The following ADAMTS14 variants were observed in gnomAD, a reference collection of about 807,000 sequenced individuals.
The protein encoded by ADAMTS14 is A disintegrin and metalloproteinase with thrombospondin motifs 14.
Under a neutral mutation model 128.6 loss-of-function variants are expected in ADAMTS14, and 100 were observed. The observed-to-expected ratio is 0.78, with a 90% CI of 0.66 to 0.92. ADAMTS14 has a LOEUF of 0.92. Among genes scored for constraint, ADAMTS14 ranks in the 40% least tolerant of loss-of-function variants. The pLI is 0.00. For missense variants in ADAMTS14, 1,562 were observed against 1,658.6 expected, an observed-to-expected ratio of 0.94 and a Z score of 1.01; for synonymous variants, 665 against 653.8, an observed-to-expected ratio of 1.02 and a Z score of -0.26.
At chr10:70,701,536 C>T (rs967055060) in intron 2 of ADAMTS14, among the ~76,000 whole-genome samples, 5 of 152,220 alleles carry the variant, frequency 3.3e-5, no homozygotes, top group African/African-American at 1.2e-4. Flanking sequence ...GACACACATA[C>T]ACGAACCCAC....
At chr10:70,744,680 T>C (rs1325410898) in intron 14 of ADAMTS14, among the ~76,000 whole-genome samples, 1 of 152,216 alleles carries the variant, frequency 6.6e-6, no homozygotes, top group African/African-American at 2.4e-5. Flanking sequence ...GAACCAGATA[T>C]CAGTCCTTCA....
At chr10:70,699,654 T>C (rs551332510) in intron 2 of ADAMTS14, among the ~76,000 whole-genome samples, 16 of 152,336 alleles carry the variant, frequency 1.1e-4, no homozygotes, top group South Asian at 4.1e-4. Context: ...CTGGAAACTG[T>C]ATCCCTCATA....
intron 1 of ADAMTS14, among the ~76,000 whole-genome samples, chr10:70,673,264 GGTGT>G (rs144103256): frequency 2.4e-5 from 3 of 122,916 alleles, no homozygotes; most frequent in Non-Finnish European, 4.1e-5. Context: ...GGGTGCAAGG[GGTGT>G]GTGTGTGTGT....
At chr10:70,688,988 C>CTAATAATTGTCCTCA (rs1379059729) in intron 2 of ADAMTS14, among the ~76,000 whole-genome samples, 4 of 106,016 alleles carry the variant, frequency 3.8e-5, no homozygotes, top group Admixed American at 9.3e-5. Context: ...CAAGCCACTC[C>CTAATAATTGTCCTCA]CGTCCCCCAG....
intron 12 of ADAMTS14, among the ~76,000 whole-genome samples, chr10:70,742,897 AC>A (rs1842046490): frequency 6.6e-6 from 1 of 152,196 alleles, no homozygotes; most frequent in Non-Finnish European, 1.5e-5. Flanking sequence ...CATTTTGCAA[AC>A]CCAGATACAG....
In ADAMTS14 at chr10:70,676,611, C is replaced by T. The variant is rs772447170; in HGVS notation, c.522+1616C>T. The stretch of plus-strand genomic sequence containing the variant: ...GAACTGATTCAAGAGTTCCTGAGAG[C>T]GGACTTCGAGAAAGCAGATTGTCAG... On this transcript the variant is annotated intron_variant, in intron 2 of 21. Transcript: ENST00000373207. Among the ~76,000 whole-genome samples, 8 of 152,192 alleles carry T rather than the reference C, an allele frequency of 5.3e-5. No homozygotes were observed. In the East Asian group the frequency reaches 7.7e-4, roughly 15 times the overall value.
intron 2 of ADAMTS14, among the ~76,000 whole-genome samples, chr10:70,680,150 C>T (rs962861772): frequency 2.0e-5 from 3 of 152,110 alleles, no homozygotes. Context: ...GCCTGTAATC[C>T]CAGCACTTTG....
In ADAMTS14 at chr10:70,674,919, G is replaced by T. The variant is rs147702966; in HGVS notation, c.446G>T (p.Arg149Leu). 1.9e-6 allele frequency: 3 copies of T among 1,613,288 alleles called. No individual in the cohort carries two copies. Among genetic ancestry groups the T allele is most frequent in the South Asian group, 1.1e-5 (1 of 91,086 alleles). The change falls in exon 2 of 22, where the codon CGG (arginine) becomes CTG (leucine). Residue 149 changes from arginine (R) to leucine (L), a missense_variant. Transcript: ENST00000373207. ...CGGGAGCTGTTCCGGCAGCCCTTAC[G>T]GCAGGAGTGTGTGTACACTGGAGGT... is the stretch of plus-strand genomic sequence containing the variant. ...DFRELFRQPLRQECVYTGGVT... is the reference protein window; with the variant it reads ...DFRELFRQPLLQECVYTGGVT...
At chr10:70,697,933 T>G (rs1840383813) in intron 2 of ADAMTS14, among the ~76,000 whole-genome samples, 1 of 152,148 alleles carries the variant, frequency 6.6e-6, no homozygotes, top group South Asian at 2.1e-4. Context: ...TCACCATCAT[T>G]CAGCCACACA....
At chr10:70,756,175 G>A (rs1432003441) in intron 19 of ADAMTS14, among the ~76,000 whole-genome samples, 1 of 152,198 alleles carries the variant, frequency 6.6e-6, no homozygotes, top group East Asian at 1.9e-4. Context: ...TTAATGTTTA[G>A]AGGGACACAA....
intron 2 of ADAMTS14, among the ~76,000 whole-genome samples, chr10:70,695,445 C>T (rs1419055782): frequency 1.3e-5 from 2 of 152,092 alleles, no homozygotes; most frequent in Non-Finnish European, 2.9e-5. Flanking sequence ...AGGGGTGGGG[C>T]TGCCTCTCTT....
chr10:70,690,425 T>A (rs1426589187), intron 2 of ADAMTS14, among the ~76,000 whole-genome samples: 1 of 144,926 alleles, frequency 6.9e-6, no homozygotes, highest in Admixed American at 6.9e-5. Flanking sequence ...GGTCATTGTG[T>A]CATCAGGAGC....
intron 3 of ADAMTS14, among the ~76,000 whole-genome samples, chr10:70,708,063 T>C (rs1840720495): frequency 6.6e-6 from 1 of 152,224 alleles, no homozygotes; most frequent in Non-Finnish European, 1.5e-5. Context: ...GATGGTGAAA[T>C]CTGGGGTCAC....
chr10:70,684,056 A>C (rs1839888237), intron 2 of ADAMTS14, among the ~76,000 whole-genome samples: 1 of 152,066 alleles, frequency 6.6e-6, no homozygotes, highest in Non-Finnish European at 1.5e-5. Context: ...AGCGGCTTCC[A>C]CTACTGGGGA....
At chr10:70,734,224 C>A (rs971580106) in intron 8 of ADAMTS14, among the ~76,000 whole-genome samples, 196 bp downstream of exon 8, 7 of 152,170 alleles carry the variant, frequency 4.6e-5, no homozygotes, top group Non-Finnish European at 8.8e-5. Context: ...TGTTTCAGAA[C>A]GTGTTCAGGT....
chr10:70,758,378 T>C, intron 21 of ADAMTS14, 93 bp downstream of exon 21: 2 of 1,120,294 alleles, frequency 1.8e-6, no homozygotes, highest in South Asian at 3.2e-5. Flanking sequence ...AAACCCAGCT[T>C]GTAGCTGTCT....
At chr10:70,722,419 G>A (rs1178534322) in intron 4 of ADAMTS14, among the ~76,000 whole-genome samples, 10 of 152,192 alleles carry the variant, frequency 6.6e-5, no homozygotes, top group Non-Finnish European at 1.5e-4. Context: ...CAGGGAAGGT[G>A]TATGAGCAGG....
chr10:70,721,851 A>T (rs1841277936), intron 4 of ADAMTS14, among the ~76,000 whole-genome samples: 1 of 152,218 alleles, frequency 6.6e-6, no homozygotes, highest in Admixed American at 6.5e-5. Flanking sequence ...CCTGCCTGCC[A>T]TCGAGAGCAG....
chr10:70,739,093 C>T (rs1841918352), intron 11 of ADAMTS14, 103 bp downstream of exon 11: 1 of 1,391,790 alleles, frequency 7.2e-7, no homozygotes, highest in Non-Finnish European at 9.5e-7. Context: ...GAGAAGGGCC[C>T]CTGTGGGTGG....
Sources: allele counts gnomAD v4.1 joint callset (sites outside exome capture counted in the v4.1 genomes callset), GRCh38; gene constraint gnomAD v4.1.1; transcripts MANE v1.5; gene names NCBI Gene and HGNC (gene_info 2026-07-23, HGNC 2026-07-21).